Variants in COL5A1 observed in about 807,000 individuals in gnomAD.
COL5A1 encodes the protein collagen alpha-1(V) chain.
Under a neutral mutation model 263.7 loss-of-function variants are expected in COL5A1, and 16 were observed. The observed-to-expected ratio is 0.06, with a 90% CI of 0.04 to 0.09. The LOEUF (loss-of-function observed/expected upper bound fraction) is 0.09, where lower values mean the gene tolerates loss of function less well. Among genes scored for constraint, COL5A1 ranks in the 10% least tolerant of loss-of-function variants. COL5A1 has a pLI of 1.00. For synonymous variants in COL5A1, 1,012 were observed against 1,004.5 expected (o/e 1.01, Z -0.14); for missense variants, 2,036 against 2,540.5 (o/e 0.80, Z 4.27).
chr9:134,809,124 G>T, intron 42 of COL5A1, 59 bp from the exon 43 acceptor site: 1 of 1,383,116 alleles, frequency 7.2e-7, no homozygotes, highest in South Asian at 1.2e-5. Context: ...TAATGAGCTG[G>T]TGGGGGGATG....
chr9:134,711,992 C>CTCCTTCCCCCTCCTTCCTGTCCCCCTCCT (rs1834059912), intron 4 of COL5A1, among the ~76,000 whole-genome samples: 1 of 134,440 alleles, frequency 7.4e-6, no homozygotes, highest in Admixed American at 7.3e-5. Context: ...CCTGTCCCCA[C>CTCCTTCCCCCTCCTTCCTGTCCCCCTCCT]TCCTTCCCCC....
At chr9:134,792,031 C>A (rs1837707162) in intron 32 of COL5A1, among the ~76,000 whole-genome samples, 1 of 152,122 alleles carries the variant, frequency 6.6e-6, no homozygotes, top group African/African-American at 2.4e-5. Context: ...TTTTGCTGAG[C>A]CCTGCAGGAG....
chr9:134,657,698 T>C (rs1333611734), intron 1 of COL5A1, among the ~76,000 whole-genome samples: 1 of 150,334 alleles, frequency 6.7e-6, no homozygotes, highest in African/African-American at 2.5e-5. Flanking sequence ...TCCTCTGTAT[T>C]CAGTTCCCAG....
intron 32 of COL5A1, among the ~76,000 whole-genome samples, chr9:134,790,812 G>A (rs1275903021): frequency 6.6e-6 from 1 of 151,892 alleles, no homozygotes; most frequent in Non-Finnish European, 1.5e-5. Context: ...GAAACATGGG[G>A]AATGTGAGGT....
In COL5A1 at chr9:134,824,671, C is replaced by A. The variant is rs2132883842; in HGVS notation, c.4770C>A (p.Ser1590Arg). The change falls in exon 62 of 66, where the codon AGC (serine) becomes AGA (arginine). Residue 1590 changes from serine (S) to arginine (R), a missense_variant. By Grantham distance (110) the Ser-to-Arg change is moderately radical. Coordinates refer to ENST00000371817, the MANE Select transcript of COL5A1 (RefSeq NM_000093.5). ...ASRTRRNIDA[S>R]QLLDDGNGEN... ...GGACGCGGCGGAACATCGACGCCAG[C>A]CAGCTGCTGGACGACGGGAATGGCG... The A allele has an allele frequency of 6.2e-7, 1 of 1,614,226 alleles. No homozygotes were observed. Among genetic ancestry groups the A allele is most frequent in the African/African-American group, 1.3e-5 (1 of 75,064 alleles).
intron 14 of COL5A1, among the ~76,000 whole-genome samples, chr9:134,752,893 G>A (rs911760722): frequency 2.0e-5 from 3 of 152,278 alleles, no homozygotes; most frequent in East Asian, 3.9e-4. Context: ...GTTCAGCGGG[G>A]TAGAGCTGAC....
intron 2 of COL5A1, among the ~76,000 whole-genome samples, chr9:134,693,125 T>C (rs1455222384): frequency 6.6e-6 from 1 of 152,034 alleles, no homozygotes; most frequent in Non-Finnish European, 1.5e-5. Context: ...AGTTTCTGCA[T>C]AGCAGGCTCT....
At chr9:134,760,440 CACATGCAT>C (rs1219136182) in intron 18 of COL5A1, among the ~76,000 whole-genome samples, 4 of 121,614 alleles carry the variant, frequency 3.3e-5, no homozygotes, top group East Asian at 2.7e-4. Flanking sequence ...CACATGCACA[CACATGCAT>C]ACACACCCAC....
intron 1 of COL5A1, among the ~76,000 whole-genome samples, chr9:134,669,201 T>C (rs1431810950): frequency 1.4e-5 from 2 of 138,350 alleles, no homozygotes; most frequent in East Asian, 4.4e-4. Flanking sequence ...TCCTTTCCCT[T>C]TCCCTTTCCT....
At chr9:134,731,160 G>T (rs1424606952) in intron 7 of COL5A1, among the ~76,000 whole-genome samples, 1 of 152,190 alleles carries the variant, frequency 6.6e-6, no homozygotes, top group Non-Finnish European at 1.5e-5. Flanking sequence ...GTTCCAGCAG[G>T]TCCAGACCCC....
In COL5A1 at chr9:134,755,497, A is replaced by AGG. The variant is rs1835933645; in HGVS notation, c.1827+1174_1827+1175dup. Among the ~76,000 whole-genome samples the AGG allele has an allele frequency of 6.6e-6, 1 of 152,142 alleles. No homozygotes were observed. Among genetic ancestry groups the AGG allele is most frequent in the Admixed American group, 6.5e-5 (1 of 15,276 alleles). Reference sequence around the variant, plus strand: ...GCAGAAGAAAAGATGGTGGTGAGAGAGGGGCTTGGAGCTGAGGGGTCGATT... The same window carrying AGG: ...GCAGAAGAAAAGATGGTGGTGAGAGAGGGGGGCTTGGAGCTGAGGGGTCGATT... On this transcript the variant is annotated intron_variant, in intron 16 of 65. Coordinates refer to ENST00000371817, the MANE Select transcript of COL5A1 (RefSeq NM_000093.5). The surrounding 1 kb of genome is among the most constrained non-coding windows in gnomAD (Gnocchi z 4.1).
chr9:134,790,636 A>G (rs1837657895), intron 32 of COL5A1, among the ~76,000 whole-genome samples: 2 of 138,942 alleles, frequency 1.4e-5, no homozygotes, highest in Admixed American at 1.5e-4. Context: ...CCATCCATCC[A>G]TCCATCCATC....
chr9:134,673,926 A>G (rs757914000), intron 1 of COL5A1, among the ~76,000 whole-genome samples: 1 of 152,222 alleles, frequency 6.6e-6, no homozygotes, highest in African/African-American at 2.4e-5. Context: ...ATGTTCCAGA[A>G]AAGAAGACAG....
chr9:134,727,059 G>GGATA (rs1450898834), intron 4 of COL5A1, among the ~76,000 whole-genome samples: 2 of 145,182 alleles, frequency 1.4e-5, no homozygotes, highest in Admixed American at 1.5e-4. Context: ...ATGGATGGAT[G>GGATA]GATGGATGGA....
intron 11 of COL5A1, among the ~76,000 whole-genome samples, chr9:134,745,420 T>A (rs1835475027): frequency 6.6e-6 from 1 of 152,170 alleles, no homozygotes; most frequent in South Asian, 2.1e-4. Flanking sequence ...TTAGTGGCAA[T>A]GGCTGGGTGA....
In COL5A1 at chr9:134,641,875, G is replaced by GGGC. The variant is rs906742885; in HGVS notation, c.-302_-300dup. On this transcript the variant is annotated 5_prime_UTR_variant, in exon 1 of 66. Coordinates refer to ENST00000371817, the MANE Select transcript of COL5A1 (RefSeq NM_000093.5). Reference sequence around the variant, plus strand: ...GAGCGCCCACGGGGAGCGGGTCGCGGGGCGGCGGCGGCGAGGAGGAGGCGA... The same window carrying GGGC: ...GAGCGCCCACGGGGAGCGGGTCGCGGGGCGGCGGCGGCGGCGAGGAGGAGGCGA... 1 of 390,332 alleles carries GGGC rather than the reference G, an allele frequency of 2.6e-6. No homozygotes were observed. The highest frequency in any genetic ancestry group is 3.6e-5 in the East Asian group (1 of 27,554). The allele number at this position is 390,332 out of a possible 1,614,324, so 24.2% of individuals were successfully genotyped here.
intron 4 of COL5A1, among the ~76,000 whole-genome samples, chr9:134,710,272 C>T (rs1489050056): frequency 6.6e-6 from 1 of 152,230 alleles, no homozygotes; most frequent in Admixed American, 6.5e-5. Flanking sequence ...CCGCGCGAGA[C>T]GGTGGCTGTT....
intron 42 of COL5A1, among the ~76,000 whole-genome samples, chr9:134,807,083 C>T (rs1838321279): frequency 6.6e-6 from 1 of 152,208 alleles, no homozygotes; most frequent in African/African-American, 2.4e-5. Flanking sequence ...CAGAAGTGGT[C>T]CACCCTGACC....
intron 4 of COL5A1, among the ~76,000 whole-genome samples, chr9:134,715,016 C>T (rs1382187915): frequency 6.6e-6 from 1 of 151,928 alleles, no homozygotes; most frequent in Admixed American, 6.6e-5. Context: ...GACACAGAGA[C>T]AAAGTATAGA....
Sources: gnomAD v4.1 joint callset for allele counts (sites outside exome capture counted in the v4.1 genomes callset) on GRCh38, gnomAD v4.1.1 for gene constraint, Gnocchi (gnomAD v3.1) non-coding constraint, MANE v1.5 for transcripts, NCBI Gene and HGNC (gene_info 2026-07-23, HGNC 2026-07-21) for gene names.